The following SYNPO2 variants were observed in gnomAD, a reference collection of about 807,000 sequenced individuals.
SYNPO2 encodes synaptopodin-2.
A neutral mutation model predicts 85.0 loss-of-function variants in SYNPO2; 56 were observed. The observed-to-expected ratio is 0.66, with a 90% CI of 0.53 to 0.82. SYNPO2 has a LOEUF of 0.82. Ranked by LOEUF, SYNPO2 falls within the 40% of genes least tolerant of loss-of-function variation. The probability of loss-of-function intolerance (pLI) is 0.00; values close to 1 mark genes in which losing one functional copy is unlikely to be tolerated. For synonymous variants in SYNPO2, 602 were observed against 591.1 expected (o/e 1.02, Z -0.27); for missense variants, 1,575 against 1,534.2 (o/e 1.03, Z -0.44).
intron 1 of SYNPO2, among the ~76,000 whole-genome samples, chr4:118,992,045 A>G (rs1392636011): frequency 6.6e-6 from 1 of 152,170 alleles, no homozygotes; most frequent in Non-Finnish European, 1.5e-5. Flanking sequence ...GGAGAACTTC[A>G]TTGTGGCCTC....
intron 1 of SYNPO2, among the ~76,000 whole-genome samples, chr4:118,997,973 C>T (rs921545423): frequency 2.0e-5 from 3 of 152,178 alleles, no homozygotes. Flanking sequence ...ATGTCCCTGA[C>T]TCCTGACAGT....
chr4:119,051,448 C>T (rs944135538), intron 4 of SYNPO2, among the ~76,000 whole-genome samples: 2 of 151,742 alleles, frequency 1.3e-5, no homozygotes, highest in Admixed American at 6.6e-5. Context: ...GCCTCGGCCT[C>T]CCAAAGTGCT....
At chr4:118,922,430 A>G (rs1054881532) in intron 1 of SYNPO2, among the ~76,000 whole-genome samples, 1 of 152,102 alleles carries the variant, frequency 6.6e-6, no homozygotes, top group Admixed American at 6.6e-5. Context: ...AGTAAAATGT[A>G]TTTGTGGTGC....
intron 1 of SYNPO2, among the ~76,000 whole-genome samples, chr4:118,863,044 C>G (rs1486205334): frequency 7.9e-5 from 12 of 152,132 alleles, no homozygotes; most frequent in Admixed American, 7.9e-4. Flanking sequence ...CTCCTGACCT[C>G]GTGACCCACC....
chr4:118,927,753 A>AGAT (rs1243529638), intron 1 of SYNPO2, among the ~76,000 whole-genome samples: 473 of 142,620 alleles, frequency 3.3e-3, no homozygotes, highest in African/African-American at 5.2e-3. Flanking sequence ...GATAGATGAT[A>AGAT]GATAGATATA....
chr4:118,937,964 T>C (rs2149136001), intron 1 of SYNPO2, among the ~76,000 whole-genome samples: 1 of 152,332 alleles, frequency 6.6e-6, no homozygotes, highest in East Asian at 1.9e-4. Flanking sequence ...CCCAATGCAG[T>C]GTAAATGCTA....
chr4:118,858,515 C>G (rs1210986732), intron 1 of SYNPO2, among the ~76,000 whole-genome samples: 1 of 152,124 alleles, frequency 6.6e-6, no homozygotes, highest in Non-Finnish European at 1.5e-5. Flanking sequence ...ATCCCTTTCT[C>G]TATGAAGGCC....
intron 1 of SYNPO2, among the ~76,000 whole-genome samples, chr4:118,904,837 A>ATT (rs11387874): frequency 7.2e-5 from 11 of 152,130 alleles, no homozygotes; most frequent in Non-Finnish European, 1.5e-4. Flanking sequence ...AGTTACCTTT[A>ATT]TTTTTTTCTT....
At chr4:118,862,149 A>C (rs943095768) in intron 1 of SYNPO2, among the ~76,000 whole-genome samples, 1 of 152,144 alleles carries the variant, frequency 6.6e-6, no homozygotes, top group Admixed American at 6.5e-5. Flanking sequence ...TGCTGTTGGC[A>C]TATAAAATGC....
At chr4:119,035,707 A>G (rs1300300566) in intron 4 of SYNPO2, 1 of 985,040 alleles carries the variant, frequency 1.0e-6, no homozygotes, top group East Asian at 1.1e-4. Flanking sequence ...CAGGTTATTT[A>G]GCTATTCTAG....
intron 1 of SYNPO2, among the ~76,000 whole-genome samples, chr4:118,903,097 T>G (rs1379029780): frequency 6.6e-6 from 1 of 152,042 alleles, no homozygotes; most frequent in East Asian, 1.9e-4. Context: ...ACGAAATTGC[T>G]GCCTTTGTAG....
intron 1 of SYNPO2, among the ~76,000 whole-genome samples, chr4:118,936,692 TTCCCCCATCCTA>T (rs1734117720): frequency 1.3e-5 from 2 of 152,224 alleles, no homozygotes; most frequent in South Asian, 4.1e-4. Flanking sequence ...ATTTCTCCAT[TTCCCCCATCCTA>T]TCCATCACTA....
intron 1 of SYNPO2, among the ~76,000 whole-genome samples, chr4:118,876,681 C>CTT (rs1427205924): frequency 2.3e-5 from 1 of 44,386 alleles, no homozygotes; most frequent in African/African-American, 9.8e-5. Context: ...TTCTTTCTTT[C>CTT]TTTCTTTCTT....
chr4:118,894,991 C>G (rs975117244), intron 1 of SYNPO2, among the ~76,000 whole-genome samples: 1 of 152,142 alleles, frequency 6.6e-6, no homozygotes, highest in Non-Finnish European at 1.5e-5. Flanking sequence ...GACTAACATA[C>G]ATAAAGAACA....
intron 1 of SYNPO2, among the ~76,000 whole-genome samples, chr4:118,855,208 A>G (rs954578590): frequency 1.2e-4 from 18 of 152,020 alleles, no homozygotes; most frequent in Non-Finnish European, 1.3e-4. Flanking sequence ...GATCTTTGGA[A>G]TATTTTGACT....
At chr4:118,973,421 A>C (rs893013244) in intron 1 of SYNPO2, among the ~76,000 whole-genome samples, 2 of 152,054 alleles carry the variant, frequency 1.3e-5, no homozygotes, top group Non-Finnish European at 2.9e-5. Context: ...TTTAAGAGAA[A>C]GCCACAGCAT....
chr4:118,919,146 A>T (rs562400075), intron 1 of SYNPO2, among the ~76,000 whole-genome samples: 1 of 152,332 alleles, frequency 6.6e-6, no homozygotes, highest in African/African-American at 2.4e-5. Context: ...TATTTAATCA[A>T]AAAGGCTTGC....
At chr4:118,916,214 C>A (rs1733316226) in intron 1 of SYNPO2, among the ~76,000 whole-genome samples, 1 of 150,050 alleles carries the variant, frequency 6.7e-6, no homozygotes, top group South Asian at 2.1e-4. Context: ...GCTCTGTCAT[C>A]CAGGCTGGAG....
intron 1 of SYNPO2, among the ~76,000 whole-genome samples, chr4:118,989,993 A>G (rs1233673133): frequency 1.3e-5 from 2 of 152,244 alleles, no homozygotes; most frequent in Non-Finnish European, 2.9e-5. Flanking sequence ...CTCTGCCCCT[A>G]AAGGTGAGAC....
Sources: gnomAD v4.1 joint callset for allele counts (sites outside exome capture counted in the v4.1 genomes callset) on GRCh38, gnomAD v4.1.1 for gene constraint, MANE v1.5 for transcripts, NCBI Gene and HGNC (gene_info 2026-07-23, HGNC 2026-07-21) for gene names.